RGS7: variants seen among roughly 807,000 people sequenced by gnomAD.
RGS7 encodes the protein regulator of G-protein signaling 7.
RGS7 carries 27 observed loss-of-function variants against 81.1 expected under a neutral mutation model. That is an observed-to-expected ratio of 0.33 (90% CI 0.25 to 0.46). RGS7 has a LOEUF of 0.46. Among genes scored for constraint, RGS7 ranks in the 20% least tolerant of loss-of-function variants. The pLI is 1.00. For synonymous variants in RGS7, 208 were observed against 207.7 expected (o/e 1.00, Z -0.01); for missense variants, 396 against 607.4 (o/e 0.65, Z 3.66).
chr1:241,354,878 G>C (rs2083460630), intron 2 of RGS7, among the ~76,000 whole-genome samples: 1 of 152,074 alleles, frequency 6.6e-6, no homozygotes, highest in African/African-American at 2.4e-5. Flanking sequence ...AAAATGATTG[G>C]GGCAGAAGAA....
At chr1:241,162,222 G>GCACCCCCCCCGCCC (rs68166816) in intron 2 of RGS7, among the ~76,000 whole-genome samples, 70 of 142,150 alleles carry the variant, frequency 4.9e-4, no homozygotes, top group Middle Eastern at 3.6e-3. Flanking sequence ...CTGGTGATCA[G>GCACCCCCCCCGCCC]CTTCCAAATA....
chr1:240,859,688 T>A (rs1402279781), intron 9 of RGS7, among the ~76,000 whole-genome samples: 2 of 152,066 alleles, frequency 1.3e-5, no homozygotes, highest in Non-Finnish European at 2.9e-5. Context: ...TTTCTCTATA[T>A]TCTCTTGCCA....
chr1:241,209,888 C>T (rs1487389126), intron 2 of RGS7, among the ~76,000 whole-genome samples: 1 of 151,874 alleles, frequency 6.6e-6, no homozygotes, highest in East Asian at 1.9e-4. Context: ...ATATTATTAA[C>T]TCATTTAATC....
intron 2 of RGS7, among the ~76,000 whole-genome samples, chr1:241,154,512 C>G (rs74380762): frequency 6.6e-6 from 1 of 152,110 alleles, no homozygotes; most frequent in African/African-American, 2.4e-5. Context: ...AAAGAAAAGG[C>G]CAGTGAAAGC....
intron 2 of RGS7, among the ~76,000 whole-genome samples, chr1:241,354,758 G>A (rs986323481): frequency 1.3e-5 from 2 of 152,134 alleles, no homozygotes; most frequent in African/African-American, 4.8e-5. Flanking sequence ...CAATTTTGGG[G>A]TGTTTCAAAG....
At chr1:240,984,503 A>G (rs1052149094) in intron 3 of RGS7, among the ~76,000 whole-genome samples, 2 of 152,370 alleles carry the variant, frequency 1.3e-5, no homozygotes, top group Admixed American at 6.5e-5. Context: ...GAATAGAATG[A>G]TGAAAATAAG....
chr1:241,164,272 CTTT>C lies in RGS7; in HGVS notation c.79-65513_79-65511del, dbSNP rs35459623. Among the ~76,000 whole-genome samples, 4 of 145,536 alleles carry C rather than the reference CTTT, an allele frequency of 2.7e-5. No homozygotes were observed. The highest frequency in any genetic ancestry group is 6.9e-5 in the Admixed American group (1 of 14,544). On this transcript the variant is annotated intron_variant, in intron 2 of 18. Transcript: ENST00000440928. This position sits in a 1 kb window ranked among gnomAD's most constrained non-coding sequence, Gnocchi z 4.1. ...CCAGAAGCTCTCAGAACCCTATCCT[CTTT>C]TTTTTTTTTTTAAGCTTCATTATGT...
intron 9 of RGS7, among the ~76,000 whole-genome samples, chr1:240,840,347 C>T (rs1423614134): frequency 6.6e-6 from 1 of 151,914 alleles, no homozygotes; most frequent in African/African-American, 2.4e-5. Context: ...GAACTCAGCT[C>T]ACTGCAACTT....
intron 2 of RGS7, among the ~76,000 whole-genome samples, chr1:241,279,745 A>T (rs1380266515): frequency 2.0e-5 from 3 of 152,144 alleles, no homozygotes; most frequent in Non-Finnish European, 1.5e-5. Context: ...CCTAAAAACC[A>T]CTAATCTGCT....
intron 15 of RGS7, among the ~76,000 whole-genome samples, chr1:240,805,713 A>T (rs1238832898): frequency 1.3e-5 from 2 of 152,152 alleles, no homozygotes; most frequent in Non-Finnish European, 2.9e-5. Flanking sequence ...TGAATAATTT[A>T]TAATAATGAA....
At chr1:241,316,705 T>C (rs978565930) in intron 2 of RGS7, among the ~76,000 whole-genome samples, 16 of 152,192 alleles carry the variant, frequency 1.1e-4, no homozygotes, top group Non-Finnish European at 2.4e-4. Flanking sequence ...ATCATAGATA[T>C]TGGCCTGTAG....
At chr1:241,110,579 G>A (rs1432279361) in intron 2 of RGS7, among the ~76,000 whole-genome samples, 1 of 151,992 alleles carries the variant, frequency 6.6e-6, no homozygotes, top group Admixed American at 6.6e-5. Context: ...CCGGCAGGAA[G>A]GACATAAAAA....
intron 3 of RGS7, among the ~76,000 whole-genome samples, chr1:241,000,097 T>G (rs1293460519): frequency 2.0e-5 from 3 of 152,174 alleles, no homozygotes; most frequent in Admixed American, 6.5e-5. Flanking sequence ...GAAGTCTCGA[T>G]GCTCCCTTAG....
At chr1:241,095,739 A>C (rs73125601) in intron 3 of RGS7, among the ~76,000 whole-genome samples, 1 of 152,200 alleles carries the variant, frequency 6.6e-6, no homozygotes, top group Admixed American at 6.5e-5. Context: ...AGTAATTAAC[A>C]TATCCATTAT....
intron 2 of RGS7, among the ~76,000 whole-genome samples, chr1:241,180,391 AC>A (rs1179826242): frequency 2.0e-5 from 3 of 152,110 alleles, no homozygotes; most frequent in African/African-American, 7.2e-5. Context: ...AACCAAAAAA[AC>A]AAAACAACAA....
chr1:241,140,315 C>T (rs1265436727), intron 2 of RGS7, among the ~76,000 whole-genome samples: 1 of 152,202 alleles, frequency 6.6e-6, no homozygotes, highest in East Asian at 1.9e-4. Flanking sequence ...TCCTCTCATA[C>T]CTTCAGGGTT....
chr1:240,855,715 T>C (rs1572434026), intron 9 of RGS7, among the ~76,000 whole-genome samples: 2 of 152,300 alleles, frequency 1.3e-5, no homozygotes, highest in South Asian at 4.1e-4. Flanking sequence ...AATTTTATTG[T>C]ATAGCTCTGG....
At chr1:241,147,633 A>G (rs2068405364) in intron 2 of RGS7, among the ~76,000 whole-genome samples, 1 of 151,770 alleles carries the variant, frequency 6.6e-6, no homozygotes, top group African/African-American at 2.4e-5. Flanking sequence ...CAAAAGTACC[A>G]GGAAATCACA....
chr1:240,903,227 G>A (rs1024056223), intron 6 of RGS7, among the ~76,000 whole-genome samples: 2 of 152,168 alleles, frequency 1.3e-5, no homozygotes, highest in Admixed American at 1.3e-4. Context: ...CATCAGTGCT[G>A]TCTGCTAGAA....
Sources: allele counts gnomAD v4.1 joint callset (sites outside exome capture counted in the v4.1 genomes callset), GRCh38; gene constraint gnomAD v4.1.1; non-coding constraint Gnocchi (gnomAD v3.1); transcripts MANE v1.5; gene names NCBI Gene and HGNC (gene_info 2026-07-23, HGNC 2026-07-21).